ODAD2: variants seen among roughly 807,000 people sequenced by gnomAD.
The protein encoded by ODAD2 is outer dynein arm-docking complex subunit 2.
ODAD2 carries 89 observed loss-of-function variants against 106.8 expected under a neutral mutation model. The ratio of observed to expected loss-of-function variants is 0.83; its 90% CI spans 0.70 to 0.99. ODAD2 has a LOEUF of 0.99. ODAD2 is among the 50% of genes least tolerant of loss of function. The pLI is 0.00. For missense variants in ODAD2, 1,168 were observed against 1,238.5 expected, an observed-to-expected ratio of 0.94 and a Z score of 0.85; for synonymous variants, 404 against 436.2, an observed-to-expected ratio of 0.93 and a Z score of 0.92.
chr10:27,938,881 C>T (rs1590076592), intron 14 of ODAD2, among the ~76,000 whole-genome samples: 1 of 151,990 alleles, frequency 6.6e-6, no homozygotes, highest in East Asian at 1.9e-4. Flanking sequence ...AATACGGGGA[C>T]TGCAGGGCCG....
chr10:27,991,578 T>C (rs1394573970), intron 2 of ODAD2, among the ~76,000 whole-genome samples: 2 of 152,128 alleles, frequency 1.3e-5, no homozygotes, highest in Admixed American at 6.5e-5. Context: ...GCCACAAATA[T>C]AAATATATTG....
chr10:27,819,411 AT>A (rs1464056475), intron 19 of ODAD2, among the ~76,000 whole-genome samples: 3 of 152,130 alleles, frequency 2.0e-5, no homozygotes, highest in African/African-American at 7.2e-5. Context: ...TTAATAGTGC[AT>A]GATTGTACTC....
rs369833558 is a variant in ODAD2, at chr10:27,993,974, A to ATATGTG, written c.224+944_224+945insCACATA. On this transcript the variant is annotated intron_variant, in intron 2 of 19. Coordinates refer to ENST00000305242, the MANE Select transcript of ODAD2 (RefSeq NM_018076.5). ...GAGGCTGGCAAATATATATATATAT[A>ATATGTG]TGTGTGTGTGTGTGTGTGTGTGTGT... is the stretch of plus-strand genomic sequence containing the variant. Among the ~76,000 whole-genome samples, 429 of 140,596 alleles carry ATATGTG rather than the reference A, an allele frequency of 3.1e-3. 2 individuals are homozygous for ATATGTG. The highest frequency in any genetic ancestry group is 8.6e-3 in the East Asian group (41 of 4,756). The allele number at this position is 140,596 out of a possible 152,430, so 92.2% of individuals were successfully genotyped here.
At chr10:27,844,565 C>T (rs1838571054) in intron 19 of ODAD2, among the ~76,000 whole-genome samples, 1 of 152,166 alleles carries the variant, frequency 6.6e-6, no homozygotes, top group Non-Finnish European at 1.5e-5. Context: ...GAGTCCTTTT[C>T]TTATGACCTG....
chr10:27,987,409 T>C lies in ODAD2; in HGVS notation c.359A>G (p.Lys120Arg). Reference protein sequence around the residue: ...LLLIAKTGKLKEAQACVEANR... With the variant: ...LLLIAKTGKLREAQACVEANR... ...ACCTTCAACACATGCTTGGGCTTCCTTCAACTTCCCAGTTTTGGCAATAAG... is the reference window on the plus strand; with the variant it reads ...ACCTTCAACACATGCTTGGGCTTCCCTCAACTTCCCAGTTTTGGCAATAAG... The change falls in exon 3 of 20, where the codon AAG (lysine) becomes AGG (arginine). Residue 120 changes from lysine (K) to arginine (R), a missense_variant. Physicochemically the swap from Lys to Arg is conservative, Grantham distance 26 (BLOSUM62 2). This residue lies in a region of ODAD2 where 430 missense variants were observed against 452.2 expected (regional missense o/e 0.95). Transcript: ENST00000305242. The C allele has an allele frequency of 6.2e-7, 1 of 1,613,612 alleles. No homozygotes were observed. Among genetic ancestry groups the C allele is most frequent in the Non-Finnish European group, 8.5e-7 (1 of 1,179,790 alleles).
At chr10:27,938,592 C>A (rs1479513157) in intron 14 of ODAD2, among the ~76,000 whole-genome samples, 5 of 151,378 alleles carry the variant, frequency 3.3e-5, no homozygotes, top group Non-Finnish European at 7.4e-5. Flanking sequence ...TTGTATCTGT[C>A]TCTTCTTTTT....
chr10:27,992,985 G>A (rs1385238696), intron 2 of ODAD2, among the ~76,000 whole-genome samples: 6 of 151,938 alleles, frequency 3.9e-5, no homozygotes, highest in African/African-American at 9.7e-5. Flanking sequence ...GTGCAATCTC[G>A]GCTCACTGCA....
At chr10:27,908,673 C>T (rs892625738) in intron 16 of ODAD2, among the ~76,000 whole-genome samples, 3 of 152,094 alleles carry the variant, frequency 2.0e-5, no homozygotes, top group Non-Finnish European at 1.5e-5. Context: ...AGAATAAATA[C>T]TAGCTTAAAA....
At chr10:27,959,539 T>G (rs1279126534) in intron 10 of ODAD2, among the ~76,000 whole-genome samples, 1 of 152,046 alleles carries the variant, frequency 6.6e-6, no homozygotes, top group Non-Finnish European at 1.5e-5. Flanking sequence ...ACCACTGTGT[T>G]GAACTATGTG....
chr10:27,852,943 A>G (rs1273434768), intron 19 of ODAD2, among the ~76,000 whole-genome samples: 1 of 145,526 alleles, frequency 6.9e-6, no homozygotes, highest in Non-Finnish European at 1.5e-5. Context: ...CCTGGGTGAC[A>G]GAACGAGACA....
intron 6 of ODAD2, 120 bp downstream of exon 6, chr10:27,983,723 T>G: frequency 1.0e-6 from 1 of 983,988 alleles, no homozygotes. Context: ...CAAAGGAATC[T>G]GCTTCTATCC....
intron 19 of ODAD2, among the ~76,000 whole-genome samples, chr10:27,834,729 A>G (rs1195418751): frequency 2.0e-5 from 3 of 152,212 alleles, no homozygotes; most frequent in Non-Finnish European, 4.4e-5. Flanking sequence ...AGAAAAGGCT[A>G]TTACAGAGAA....
At position 27,940,015 on chromosome 10, in the gene ODAD2, T is replaced by C; in HGVS notation, c.1987-8A>G. 1 of 1,584,534 alleles carries C rather than the reference T, an allele frequency of 6.3e-7. No individual in the cohort carries two copies. The highest frequency in any genetic ancestry group is 8.6e-7 in the Non-Finnish European group (1 of 1,160,718). On this transcript the variant is annotated splice_polypyrimidine_tract_variant and splice_region_variant and intron_variant, in intron 13 of 19. Transcript: ENST00000305242. ...TGCAGCCCGGTAGTTTTCCTAGGAA[T>C]AAAAACCTACATATTTATGTGTTCA...
chr10:27,897,946 C>A (rs952021695), intron 17 of ODAD2, among the ~76,000 whole-genome samples: 1 of 151,590 alleles, frequency 6.6e-6, no homozygotes, highest in Non-Finnish European at 1.5e-5. Flanking sequence ...GCATACGAGA[C>A]CAGCCAGATA....
At chr10:27,895,001 T>A (rs939229740) in intron 17 of ODAD2, among the ~76,000 whole-genome samples, 1 of 138,554 alleles carries the variant, frequency 7.2e-6, no homozygotes. Context: ...TGGAAAGACA[T>A]ACAGAGAGAA....
intron 19 of ODAD2, chr10:27,813,457 A>G (rs1315133841): frequency 6.6e-5 from 10 of 152,256 alleles, no homozygotes; most frequent in Non-Finnish European, 1.3e-4. Context: ...AGAAACGTAC[A>G]GTATCTAATG....
At chr10:27,968,173 GA>G (rs1848603818) in intron 9 of ODAD2, among the ~76,000 whole-genome samples, 1 of 150,786 alleles carries the variant, frequency 6.6e-6, no homozygotes, top group Non-Finnish European at 1.5e-5. Context: ...AGATAGAAAA[GA>G]AAAACCAAAT....
intron 17 of ODAD2, among the ~76,000 whole-genome samples, chr10:27,887,788 C>A (rs1344080569): frequency 6.6e-6 from 1 of 151,658 alleles, no homozygotes; most frequent in African/African-American, 2.4e-5. Flanking sequence ...TCAATGAAAG[C>A]AAGAGTTGGT....
intron 16 of ODAD2, among the ~76,000 whole-genome samples, chr10:27,916,508 A>G (rs1446968357): frequency 6.9e-6 from 1 of 145,094 alleles, no homozygotes; most frequent in Non-Finnish European, 1.5e-5. Flanking sequence ...GCTGTGTGGG[A>G]CCACTTAACA....
Sources: gnomAD v4.1 joint callset for allele counts (sites outside exome capture counted in the v4.1 genomes callset) on GRCh38, gnomAD v4.1.1 for gene constraint, gnomAD v4.1.1 regional missense constraint, MANE v1.5 for transcripts, NCBI Gene and HGNC (gene_info 2026-07-23, HGNC 2026-07-21) for gene names.